Variants in MTERF4 observed in about 807,000 individuals in gnomAD.
MTERF4 encodes the protein mitochondrial transcription termination factor 4, also known as transcription termination factor 4, mitochondrial.
Under a neutral mutation model 22.5 loss-of-function variants are expected in MTERF4, and 17 were observed. The observed-to-expected ratio is 0.75, with a 90% confidence interval of 0.52 to 1.13. MTERF4 has a LOEUF of 1.13. Ranked by LOEUF, MTERF4 falls within the 50% of genes most tolerant of loss-of-function variation. MTERF4 has a pLI of 0.00. For synonymous variants in MTERF4, 165 were observed against 175.3 expected, an observed-to-expected ratio of 0.94 and a Z score of 0.47; for missense variants, 420 against 466.8, an observed-to-expected ratio of 0.90 and a Z score of 0.92.
At chr2:241,063,978 T>A in the MTERF4 span, 1 of 1,458,942 alleles carries the variant, frequency 6.9e-7, no homozygotes, top group Non-Finnish European at 9.4e-7. Context: ...ACTCCCCCCT[T>A]GCAGCTTGGG....
downstream of MTERF4, among the ~76,000 whole-genome samples, chr2:241,067,205 C>T (rs972761864): frequency 9.9e-5 from 15 of 152,180 alleles, no homozygotes; most frequent in Admixed American, 5.2e-4. Flanking sequence ...GCTGAGTTGC[C>T]GGGAGCTGAG....
At chr2:241,052,687 CGGCGGGGGGG>C in the MTERF4 span, among the ~76,000 whole-genome samples, 242 of 1,694 alleles carry the variant, frequency 0.14, 41 homozygotes, top group South Asian at 0.49. Flanking sequence ...GTGAGAGGGT[CGGCGGGGGGG>C]GGGGGGGTCA....
chr2:241,065,602 G>A, the MTERF4 span: 502 of 1,609,696 alleles, frequency 3.1e-4, 10 homozygotes, highest in South Asian at 4.3e-3. Flanking sequence ...ACGCGTGAGT[G>A]TCCCCGAGCC....
chr2:241,053,700 C>T, the MTERF4 span, among the ~76,000 whole-genome samples: 19 of 152,158 alleles, frequency 1.2e-4, no homozygotes, highest in African/African-American at 4.6e-4. Flanking sequence ...CCCTTGAAGA[C>T]TTGTGGAATC....
the MTERF4 span, among the ~76,000 whole-genome samples, chr2:241,059,317 G>T: frequency 1.3e-5 from 2 of 152,212 alleles, no homozygotes; most frequent in African/African-American, 4.8e-5. Flanking sequence ...TTTAAGAAAG[G>T]AATGATACCA....
chr2:241,084,064 A>G (rs1221042400), downstream of MTERF4, among the ~76,000 whole-genome samples: 1 of 151,148 alleles, frequency 6.6e-6, no homozygotes, highest in Admixed American at 6.6e-5. Context: ...TTTGCCATAC[A>G]CATCTTCACC....
chr2:241,070,331 AG>A (rs1178714530), downstream of MTERF4: 4 of 983,610 alleles, frequency 4.1e-6, no homozygotes, highest in Non-Finnish European at 5.8e-6. Flanking sequence ...CCGTGTTAGC[AG>A]GGGAGGAGTC....
chr2:241,078,592 T>C (rs1282009839), intron 4 of MTERF4, among the ~76,000 whole-genome samples: 3 of 151,412 alleles, frequency 2.0e-5, no homozygotes, highest in Admixed American at 6.6e-5. Context: ...CAGAGGGAGC[T>C]CTCTAGTGAC....
intron 4 of MTERF4, among the ~76,000 whole-genome samples, chr2:241,081,398 CCTT>C (rs1338383440): frequency 1.3e-5 from 2 of 152,166 alleles, no homozygotes; most frequent in African/African-American, 2.4e-5. Flanking sequence ...TCTCCCTCCT[CCTT>C]CTCCTCCTCC....
chr2:241,064,060 A>G, the MTERF4 span: 17 of 1,567,902 alleles, frequency 1.1e-5, no homozygotes, highest in Non-Finnish European at 1.5e-5. The surrounding 1 kb of genome is among the most constrained non-coding windows in gnomAD (Gnocchi z 7.0). Context: ...GGCCGGTGTG[A>G]GAGCGGCGGC....
the MTERF4 span, among the ~76,000 whole-genome samples, chr2:241,061,243 C>T: frequency 6.6e-6 from 1 of 151,740 alleles, no homozygotes. Context: ...AGAAGAGATA[C>T]AAAAGGCCAA....
At chr2:241,067,896 T>C (rs2062529365), downstream of MTERF4, 2 of 1,613,266 alleles carry the variant, frequency 1.2e-6, no homozygotes, top group East Asian at 2.2e-5. Context: ...CCTGAGGCCC[T>C]CAGGGACCAG....
chr2:241,065,305 T>C, the MTERF4 span: 2 of 1,612,528 alleles, frequency 1.2e-6, no homozygotes, highest in Admixed American at 3.3e-5. Flanking sequence ...GAAGAGCTCT[T>C]CCCACCGACG....
chr2:241,063,329 T>G, the MTERF4 span: 1 of 538,882 alleles, frequency 1.9e-6, no homozygotes, highest in South Asian at 2.0e-5. Flanking sequence ...GTCGTGGCCC[T>G]GGGGAGCCTC....
chr2:241,097,597 T>C (rs1029189314), intron 2 of MTERF4, among the ~76,000 whole-genome samples, 170 bp from the exon 3 acceptor site: 8 of 152,212 alleles, frequency 5.3e-5, no homozygotes, highest in Non-Finnish European at 1.0e-4. Context: ...ATGGAAATGA[T>C]ACATCTCCCC....
At chr2:241,090,335 A>G, downstream of MTERF4, 1 of 1,550,262 alleles carries the variant, frequency 6.5e-7, no homozygotes, top group South Asian at 1.2e-5. Flanking sequence ...TCCCAGTAAC[A>G]CACATGGAGC....
At position 241,099,443 on chromosome 2, in the gene MTERF4, T is replaced by C. The variant is rs750754400; in HGVS notation, c.473A>G (p.Gln158Arg). 5 of 1,614,184 alleles carry C rather than the reference T, an allele frequency of 3.1e-6. No homozygotes were observed. The South Asian group carries it at 5.5e-5, about 18-fold the overall frequency. The part of the protein sequence containing the change: ...SPQLLKLPIM[Q>R]MRKRSSYLQK... ...CAGGTAACTGGAGCGCTTCCTCATTTGCATAATAGGCAGTTTCAATAACTG... is the reference window on the plus strand; with the variant it reads ...CAGGTAACTGGAGCGCTTCCTCATTCGCATAATAGGCAGTTTCAATAACTG... Residue 158 changes from glutamine to arginine, a missense_variant, in exon 2 of 4, where the codon CAA becomes CGA. Gln to Arg is a conservative substitution (Grantham distance 43, BLOSUM62 1). Transcript: ENST00000391980.
the MTERF4 span, among the ~76,000 whole-genome samples, chr2:241,051,078 G>A: frequency 6.6e-6 from 1 of 152,238 alleles, no homozygotes; most frequent in East Asian, 1.9e-4. The surrounding 1 kb of genome is among the most constrained non-coding windows in gnomAD (Gnocchi z 4.7). Flanking sequence ...ATGGCTGGCA[G>A]GAGAGGAGCG....
At chr2:241,056,802 C>T in the MTERF4 span, among the ~76,000 whole-genome samples, 3 of 150,784 alleles carry the variant, frequency 2.0e-5, no homozygotes, top group Admixed American at 6.6e-5. Flanking sequence ...AGGATGGTCT[C>T]GATCTCCTGA....
Sources: allele counts gnomAD v4.1 joint callset (sites outside exome capture counted in the v4.1 genomes callset), GRCh38; gene constraint gnomAD v4.1.1; non-coding constraint Gnocchi (gnomAD v3.1); transcripts MANE v1.5; gene names NCBI Gene and HGNC (gene_info 2026-07-23, HGNC 2026-07-21).